The following PTPRK variants were observed in gnomAD, a reference collection of about 807,000 sequenced individuals.
PTPRK encodes the protein protein tyrosine phosphatase receptor type K, also known as receptor-type tyrosine-protein phosphatase kappa.
In PTPRK, 75 loss-of-function variants were observed where a neutral mutation model predicts 178.0. The observed-to-expected ratio is 0.42, with a 90% CI of 0.35 to 0.51. The LOEUF (loss-of-function observed/expected upper bound fraction) is 0.51, where lower values mean the gene tolerates loss of function less well. PTPRK is among the 20% of genes least tolerant of loss of function. The probability of loss-of-function intolerance (pLI) is 0.02; values close to 1 mark genes in which losing one functional copy is unlikely to be tolerated. For missense variants in PTPRK, 1,441 were observed against 1,797.8 expected (o/e 0.80, Z 3.59); for synonymous variants, 637 against 620.6 (o/e 1.03, Z -0.39).
At chr6:128,235,482 T>C (rs533284159) in intron 5 of PTPRK, 78 of 373,432 alleles carry the variant, frequency 2.1e-4, no homozygotes, top group Non-Finnish European at 3.7e-4. Context: ...TTATCATAGC[T>C]TCAAGTTATG....
intron 7 of PTPRK, among the ~76,000 whole-genome samples, chr6:128,174,000 T>C (rs1800683186): frequency 6.6e-6 from 1 of 151,922 alleles, no homozygotes; most frequent in Non-Finnish European, 1.5e-5. Flanking sequence ...AACTGATGGA[T>C]GAATAAAAAG....
intron 13 of PTPRK, among the ~76,000 whole-genome samples, chr6:128,029,209 C>T (rs1774856926): frequency 6.6e-6 from 1 of 152,028 alleles, no homozygotes; most frequent in African/African-American, 2.4e-5. Flanking sequence ...CTTCCCTCTC[C>T]TGTCTCCCTC....
intron 1 of PTPRK, among the ~76,000 whole-genome samples, chr6:128,408,663 T>G (rs1584573629): frequency 6.6e-6 from 1 of 152,178 alleles, no homozygotes; most frequent in East Asian, 1.9e-4. Context: ...CTACATAAAT[T>G]GTTGGCATAT....
chr6:128,173,826 T>C (rs1303021302), intron 7 of PTPRK, among the ~76,000 whole-genome samples: 2 of 152,006 alleles, frequency 1.3e-5, no homozygotes, highest in Non-Finnish European at 2.9e-5. Flanking sequence ...CCTTCTAATC[T>C]TTCTGAAATC....
At chr6:128,277,193 A>T (rs2128300288) in intron 3 of PTPRK, among the ~76,000 whole-genome samples, 1 of 152,348 alleles carries the variant, frequency 6.6e-6, no homozygotes, top group African/African-American at 2.4e-5. Flanking sequence ...TCAATAAAAC[A>T]AACATTGAAC....
intron 11 of PTPRK, among the ~76,000 whole-genome samples, chr6:128,069,662 C>G (rs1017423038): frequency 2.0e-5 from 3 of 151,990 alleles, no homozygotes; most frequent in Non-Finnish European, 2.9e-5. Flanking sequence ...AATTACCTAT[C>G]CTTGTTAATC....
At chr6:128,282,296 C>T (rs936144867) in intron 3 of PTPRK, among the ~76,000 whole-genome samples, 1 of 152,182 alleles carries the variant, frequency 6.6e-6, no homozygotes, top group African/African-American at 2.4e-5. Context: ...AGTATATAAA[C>T]ATAAAAGTAC....
At chr6:128,151,530 A>C (rs1332091332) in intron 7 of PTPRK, among the ~76,000 whole-genome samples, 1 of 152,026 alleles carries the variant, frequency 6.6e-6, no homozygotes, top group Non-Finnish European at 1.5e-5. Flanking sequence ...AATTCTTCAT[A>C]GATGAAAACT....
At chr6:128,367,167 T>C (rs1011356512) in intron 2 of PTPRK, among the ~76,000 whole-genome samples, 3 of 152,164 alleles carry the variant, frequency 2.0e-5, no homozygotes, top group African/African-American at 7.2e-5. Flanking sequence ...GCCTGGTATA[T>C]GGTAGGCCCT....
At chr6:128,416,823 A>C (rs1310049279) in intron 1 of PTPRK, among the ~76,000 whole-genome samples, 6 of 151,750 alleles carry the variant, frequency 4.0e-5, no homozygotes, top group Non-Finnish European at 8.8e-5. Context: ...ACAGAGACAA[A>C]AACAAAATTT....
At chr6:128,466,589 T>G (rs962310873) in intron 1 of PTPRK, among the ~76,000 whole-genome samples, 1 of 152,160 alleles carries the variant, frequency 6.6e-6, no homozygotes, top group Non-Finnish European at 1.5e-5. Flanking sequence ...GCAAGGGGGA[T>G]AGTAGGCATG....
chr6:128,071,130 A>C (rs1782750125), intron 11 of PTPRK, among the ~76,000 whole-genome samples: 1 of 147,916 alleles, frequency 6.8e-6, no homozygotes, highest in South Asian at 2.1e-4. Context: ...AAAAAAAAAC[A>C]CCTGCCTTTC....
chr6:128,060,669 A>G (rs1780654198), intron 13 of PTPRK, among the ~76,000 whole-genome samples: 1 of 152,198 alleles, frequency 6.6e-6, no homozygotes, highest in African/African-American at 2.4e-5. Context: ...CAGCTGAAGA[A>G]AACTCATTTG....
intron 7 of PTPRK, among the ~76,000 whole-genome samples, chr6:128,121,677 G>C (rs946184624): frequency 6.6e-6 from 1 of 152,010 alleles, no homozygotes; most frequent in African/African-American, 2.4e-5. Context: ...CAAAACAGCT[G>C]CTTCCTTCTC....
chr6:128,129,581 A>G (rs1793902168), intron 7 of PTPRK, among the ~76,000 whole-genome samples: 1 of 152,174 alleles, frequency 6.6e-6, no homozygotes, highest in Non-Finnish European at 1.5e-5. Context: ...ATAGAACTGA[A>G]GAGAATAAGA....
At chr6:128,176,488 T>C (rs182080371) in intron 7 of PTPRK, among the ~76,000 whole-genome samples, 2 of 151,958 alleles carry the variant, frequency 1.3e-5, no homozygotes, top group East Asian at 1.9e-4. Context: ...CCATATCATA[T>C]GTAGTGACAG....
At chr6:128,478,799 A>G (rs1437737584) in intron 1 of PTPRK, among the ~76,000 whole-genome samples, 1 of 152,164 alleles carries the variant, frequency 6.6e-6, no homozygotes, top group African/African-American at 2.4e-5. Flanking sequence ...AGGCAAATAA[A>G]GAAGCATCTC....
Position 128,496,242 on chromosome 6 carries a change from T to C in PTPRK, c.100+24017A>G, listed in dbSNP as rs1044130716. ...AAAGCAAACTTGATGAGGAAGCCCA[T>C]CTTAGATTCCAGCAATGTGATTATC... On this transcript the variant is annotated intron_variant, in intron 1 of 29. Transcript: ENST00000368226. 7.2e-5 allele frequency among the ~76,000 whole-genome samples: 11 copies of C among 152,152 alleles called. 1 individual carries two copies. Among genetic ancestry groups the C allele is most frequent in the Admixed American group, 4.6e-4 (7 of 15,276 alleles).
At chr6:128,354,418 G>A (rs1833685422) in intron 2 of PTPRK, among the ~76,000 whole-genome samples, 1 of 151,418 alleles carries the variant, frequency 6.6e-6, no homozygotes, top group Admixed American at 6.6e-5. Context: ...TGTATTTTTA[G>A]TAGAGACGGG....
Sources: allele counts gnomAD v4.1 joint callset (sites outside exome capture counted in the v4.1 genomes callset), GRCh38; gene constraint gnomAD v4.1.1; transcripts MANE v1.5; gene names NCBI Gene and HGNC (gene_info 2026-07-23, HGNC 2026-07-21).